The following ACYP2 variants were observed in gnomAD, a reference collection of about 807,000 sequenced individuals.
ACYP2 encodes acylphosphatase-2.
In ACYP2, 12 loss-of-function variants were observed where a neutral mutation model predicts 11.2. The ratio of observed to expected loss-of-function variants is 1.08; its 90% confidence interval spans 0.69 to 1.74. The LOEUF (loss-of-function observed/expected upper bound fraction) is 1.74. Ranked by LOEUF, ACYP2 falls within the 40% of genes most tolerant of loss-of-function variation. The probability of loss-of-function intolerance (pLI) is 0.00; values close to 1 mark genes in which losing one functional copy is unlikely to be tolerated. For synonymous variants in ACYP2, 43 were observed against 32.2 expected (o/e 1.33, Z -1.13); for missense variants, 134 against 101.9 (o/e 1.31, Z -1.35).
chr2:54,276,662 C>CACACACCA (rs5831294), intron 6 of ACYP2, among the ~76,000 whole-genome samples: 10 of 132,166 alleles, frequency 7.6e-5, no homozygotes, highest in African/African-American at 9.6e-5. Flanking sequence ...CACACACACA[C>CACACACCA]CACACACAAG....
chr2:54,283,883 G>A (rs1225143131), intron 6 of ACYP2, among the ~76,000 whole-genome samples: 2 of 152,226 alleles, frequency 1.3e-5, no homozygotes, highest in African/African-American at 2.4e-5. Context: ...GGGAGGCCAA[G>A]GCGAGTGGAT....
chr2:54,234,415 G>A (rs1225471649), intron 6 of ACYP2, among the ~76,000 whole-genome samples: 2 of 152,146 alleles, frequency 1.3e-5, no homozygotes. Context: ...GATCATACTG[G>A]TAAAGCCATG....
In ACYP2 at chr2:54,270,691, T is replaced by C. The variant is rs1272961419; in HGVS notation, c.405-33997T>C. Among the ~76,000 whole-genome samples, 8 of 152,240 alleles carry C rather than the reference T, an allele frequency of 5.3e-5. 1 individual carries two copies. The highest frequency in any genetic ancestry group is 4.6e-4 in the Admixed American group (7 of 15,286). On this transcript the variant is annotated intron_variant, in intron 6 of 6. Coordinates refer to ENST00000607452, the MANE Select transcript of ACYP2 (RefSeq NM_001320586.2). ...AACTTATTTTTTCCTAATTTTATGA[T>C]AGTATATGTTGAATTTATTTCTACA...
rs1169020808 is a variant in ACYP2, at chr2:54,022,780, G to T, written c.63-28178G>T. ...GCAGGTTGTAGGAGTCTCAGGCAAGGGGTGCCCTCTCCATTCCCCTTGTCT... is the reference window on the plus strand; with the variant it reads ...GCAGGTTGTAGGAGTCTCAGGCAAGTGGTGCCCTCTCCATTCCCCTTGTCT... On this transcript the variant is annotated intron_variant, in intron 2 of 6. Coordinates refer to ENST00000607452, the MANE Select transcript of ACYP2 (RefSeq NM_001320586.2). Among the ~76,000 whole-genome samples, 3 of 152,316 alleles carry T rather than the reference G, an allele frequency of 2.0e-5. No individual in the cohort carries two copies. The South Asian group carries it at 6.2e-4, about 32-fold the overall frequency.
At chr2:54,181,068 G>A (rs995279079) in intron 6 of ACYP2, among the ~76,000 whole-genome samples, 3 of 152,160 alleles carry the variant, frequency 2.0e-5, no homozygotes, top group Non-Finnish European at 4.4e-5. Context: ...AAGCACTTCA[G>A]TGTGTTCATT....
At chr2:53,979,994 ATGTGTT>A (rs1478836550) in intron 2 of ACYP2, among the ~76,000 whole-genome samples, 1 of 151,890 alleles carries the variant, frequency 6.6e-6, no homozygotes, top group African/African-American at 2.4e-5. Flanking sequence ...ACCTGGCCGA[ATGTGTT>A]TGTTTTTTTA....
At chr2:53,989,678 G>A (rs940385059) in intron 2 of ACYP2, among the ~76,000 whole-genome samples, 1 of 152,176 alleles carries the variant, frequency 6.6e-6, no homozygotes, top group African/African-American at 2.4e-5. Flanking sequence ...CCCAGATTTA[G>A]CCACTATGTA....
chr2:54,241,708 G>C (rs576250827), intron 6 of ACYP2, among the ~76,000 whole-genome samples: 18 of 152,294 alleles, frequency 1.2e-4, no homozygotes, highest in African/African-American at 4.1e-4. Flanking sequence ...TTGCCATTAA[G>C]AGTATGAAAA....
chr2:53,996,073 G>A (rs1367431540), intron 2 of ACYP2, among the ~76,000 whole-genome samples: 3 of 151,816 alleles, frequency 2.0e-5, no homozygotes, highest in African/African-American at 7.3e-5. Flanking sequence ...GGTGGAGATG[G>A]CAGTCAGCCT....
At chr2:54,297,726 A>T (rs72901527) in intron 6 of ACYP2, among the ~76,000 whole-genome samples, 17,279 of 151,140 alleles carry the variant, frequency 0.11, 1,314 homozygotes, top group African/African-American at 0.21. Context: ...AAACATAATG[A>T]TTAAAAAGCA....
chr2:54,014,484 T>G (rs1223175947), intron 2 of ACYP2, among the ~76,000 whole-genome samples: 1 of 151,952 alleles, frequency 6.6e-6, no homozygotes, highest in East Asian at 1.9e-4. Flanking sequence ...CAGGCCTGGC[T>G]AATTTTTTGT....
At position 54,218,637 on chromosome 2, in the gene ACYP2, GT is replaced by G. The variant is rs201541226; in HGVS notation, c.404+79896del. Among the ~76,000 whole-genome samples the G allele has an allele frequency of 7.1e-3, 1,087 of 152,180 alleles. 19 individuals are homozygous for G. The highest frequency in any genetic ancestry group is 0.025 in the African/African-American group (1,023 of 41,526). On this transcript the variant is annotated intron_variant, in intron 6 of 6. Coordinates refer to ENST00000607452, the MANE Select transcript of ACYP2 (RefSeq NM_001320586.2). ...CATAACCAAACAGGAAGGTTTTTGT[GT>G]TTTTTTCCTTTCAAATAACAAGAAG...
At chr2:54,076,256 G>A (rs867616248) in intron 4 of ACYP2, among the ~76,000 whole-genome samples, 3 of 152,118 alleles carry the variant, frequency 2.0e-5, no homozygotes, top group East Asian at 3.8e-4. Context: ...AAAATGGCGG[G>A]GGAAGTCCAA....
chr2:54,235,699 A>C (rs1359054465), intron 6 of ACYP2, among the ~76,000 whole-genome samples: 2 of 152,152 alleles, frequency 1.3e-5, no homozygotes, highest in East Asian at 3.9e-4. Flanking sequence ...TTCAATTTTA[A>C]AATAAATAAG....
chr2:54,220,995 C>T (rs934317582), intron 6 of ACYP2, among the ~76,000 whole-genome samples: 2 of 152,162 alleles, frequency 1.3e-5, no homozygotes, highest in Non-Finnish European at 2.9e-5. Context: ...ATAGGATTTG[C>T]TTTGGTCAGT....
At chr2:54,244,672 G>C (rs1384994614) in intron 6 of ACYP2, among the ~76,000 whole-genome samples, 1 of 152,106 alleles carries the variant, frequency 6.6e-6, no homozygotes, top group Non-Finnish European at 1.5e-5. Flanking sequence ...TATAATAAAT[G>C]CTAGGAATTG....
At chr2:54,059,570 G>A (rs914273742) in intron 4 of ACYP2, among the ~76,000 whole-genome samples, 1 of 152,280 alleles carries the variant, frequency 6.6e-6, no homozygotes, top group African/African-American at 2.4e-5. Context: ...TTCAGATGCT[G>A]ACTAATACTA....
intron 6 of ACYP2, among the ~76,000 whole-genome samples, chr2:54,237,603 ATTCT>A (rs1399473999): frequency 6.6e-6 from 1 of 152,036 alleles, no homozygotes; most frequent in Non-Finnish European, 1.5e-5. Context: ...GCTTCTCTTG[ATTCT>A]TTCAAGAAGT....
intron 6 of ACYP2, among the ~76,000 whole-genome samples, chr2:54,145,761 T>G (rs1323643869): frequency 1.3e-5 from 2 of 152,212 alleles, no homozygotes; most frequent in African/African-American, 4.8e-5. Context: ...AATCTAATGT[T>G]TGACTATATA....
Sources: allele counts gnomAD v4.1 joint callset (sites outside exome capture counted in the v4.1 genomes callset), GRCh38; gene constraint gnomAD v4.1.1; transcripts MANE v1.5; gene names NCBI Gene and HGNC (gene_info 2026-07-23, HGNC 2026-07-21).